The following SLC22A9 variants were observed in gnomAD, a reference collection of about 807,000 sequenced individuals.
SLC22A9 encodes the protein organic anion transporter 7.
A neutral mutation model predicts 50.1 loss-of-function variants in SLC22A9; 64 were observed. The observed-to-expected ratio is 1.28, with a 90% CI of 1.04 to 1.57. SLC22A9 has a LOEUF of 1.57. SLC22A9 is among the 40% of genes most tolerant of loss of function. The pLI is 0.00. For missense variants in SLC22A9, 757 were observed against 676.1 expected (o/e 1.12, Z -1.33); for synonymous variants, 261 against 242.5 (o/e 1.08, Z -0.71).
chr11:63,400,351 A>G (rs957080755), intron 6 of SLC22A9, among the ~76,000 whole-genome samples: 4 of 152,132 alleles, frequency 2.6e-5, no homozygotes, highest in Non-Finnish European at 5.9e-5. Flanking sequence ...CAGAAATCCA[A>G]TGGATCATTA....
At chr11:63,406,281 T>C (rs1347462597) in intron 6 of SLC22A9, among the ~76,000 whole-genome samples, 1 of 152,178 alleles carries the variant, frequency 6.6e-6, no homozygotes, top group East Asian at 1.9e-4. Flanking sequence ...TCCAGCCTCT[T>C]CTCTAGTATT....
chr11:63,382,317 G>A, intron 6 of SLC22A9, 40 bp downstream of exon 6: 2 of 1,425,478 alleles, frequency 1.4e-6, no homozygotes, highest in Non-Finnish European at 1.9e-6. Context: ...TTACAGTACT[G>A]GAGACATGAA....
At chr11:63,381,455 T>C (rs946715856) in intron 5 of SLC22A9, among the ~76,000 whole-genome samples, 11 of 152,064 alleles carry the variant, frequency 7.2e-5, no homozygotes, top group Non-Finnish European at 1.3e-4. Context: ...ACCTGGTAAA[T>C]ATAGGGTGCA....
At position 63,387,186 on chromosome 11, in the gene SLC22A9, G is replaced by A. The variant is rs116143514; in HGVS notation, c.1073+4909G>A. 2.4e-3 allele frequency among the ~76,000 whole-genome samples: 358 copies of A among 151,964 alleles called. 2 individuals carry two copies. Among genetic ancestry groups the A allele is most frequent in the African/African-American group, 7.8e-3 (323 of 41,490 alleles). ...TCACTTTTGCTTTGGTTGCCTGTGCGTCTGGGGTATTACTAAAGAAATCCT... is the reference window on the plus strand; with the variant it reads ...TCACTTTTGCTTTGGTTGCCTGTGCATCTGGGGTATTACTAAAGAAATCCT... On this transcript the variant is annotated intron_variant, in intron 6 of 9. Coordinates refer to ENST00000279178, the MANE Select transcript of SLC22A9 (RefSeq NM_080866.3).
At position 63,408,756 on chromosome 11, in the gene SLC22A9, A is replaced by G; in HGVS notation, c.1478A>G (p.Tyr493Cys). The G allele has an allele frequency of 1.2e-6, 2 of 1,613,924 alleles. No individual in the cohort carries two copies. The highest frequency in any genetic ancestry group is 1.7e-6 in the Non-Finnish European group (2 of 1,179,900). Residue 493 changes from tyrosine to cysteine, a missense_variant, in exon 9 of 10, where the codon TAT (tyrosine) becomes TGT (cysteine). By Grantham distance (194) the Tyr-to-Cys change is radical. Coordinates refer to ENST00000279178, the MANE Select transcript of SLC22A9 (RefSeq NM_080866.3). ...LAPLMMILSV[Y>C]SPPLPWIIYG... is the part of the protein sequence containing the mutation. The stretch of plus-strand genomic sequence containing the variant: ...CCCCTCATGATGATCCTAAGTGTGT[A>G]TTCTCCACCCCTGCCCTGGATCATC...
intron 6 of SLC22A9, among the ~76,000 whole-genome samples, chr11:63,404,713 A>C (rs2015007493): frequency 6.6e-6 from 1 of 152,252 alleles, no homozygotes; most frequent in African/African-American, 2.4e-5. Context: ...ACCCTTGACC[A>C]GGGGAACCTT....
chr11:63,400,379 C>A (rs532323880), intron 6 of SLC22A9, among the ~76,000 whole-genome samples: 1 of 152,150 alleles, frequency 6.6e-6, no homozygotes, highest in African/African-American at 2.4e-5. Flanking sequence ...TTATGAGCAA[C>A]TTTATGCCAA....
chr11:63,397,485 C>G (rs1313302200), intron 6 of SLC22A9, among the ~76,000 whole-genome samples: 1 of 152,150 alleles, frequency 6.6e-6, no homozygotes, highest in East Asian at 1.9e-4. Flanking sequence ...TCCCTACAAC[C>G]ACAGATGGGT....
At chr11:63,371,875 G>T (rs999452053) in intron 2 of SLC22A9, among the ~76,000 whole-genome samples, 12 of 152,244 alleles carry the variant, frequency 7.9e-5, no homozygotes, top group South Asian at 2.1e-4. Flanking sequence ...ACATGGCAGG[G>T]AACAATTACC....
chr11:63,403,242 A>G (rs1262247223), intron 6 of SLC22A9, among the ~76,000 whole-genome samples: 1 of 152,130 alleles, frequency 6.6e-6, no homozygotes, highest in Non-Finnish European at 1.5e-5. Context: ...GTTACATACT[A>G]AGAGAATGTC....
intron 4 of SLC22A9, 70 bp downstream of exon 4, chr11:63,374,132 T>C: frequency 7.0e-7 from 1 of 1,423,438 alleles, no homozygotes; most frequent in East Asian, 2.4e-5. Context: ...CTAGGACACC[T>C]GAATTTCTTT....
At chr11:63,375,998 C>T (rs1011269944) in intron 5 of SLC22A9, among the ~76,000 whole-genome samples, 6 of 152,068 alleles carry the variant, frequency 3.9e-5, no homozygotes, top group Non-Finnish European at 8.8e-5. Context: ...TCAATGGAGG[C>T]AGAGGCACAA....
intron 6 of SLC22A9, among the ~76,000 whole-genome samples, chr11:63,404,675 A>T (rs919712759): frequency 6.6e-6 from 1 of 152,156 alleles, no homozygotes; most frequent in Admixed American, 6.6e-5. Flanking sequence ...CTTTTCCTTC[A>T]GTGGATGGCC....
intron 1 of SLC22A9, among the ~76,000 whole-genome samples, 162 bp downstream of exon 1, chr11:63,370,620 T>C (rs1320548092): frequency 6.6e-6 from 1 of 152,194 alleles, no homozygotes; most frequent in Non-Finnish European, 1.5e-5. Flanking sequence ...ACCTACACAT[T>C]TTGAGTAATG....
intron 6 of SLC22A9, among the ~76,000 whole-genome samples, chr11:63,406,168 C>G (rs1312789142): frequency 6.6e-6 from 1 of 152,116 alleles, no homozygotes; most frequent in African/African-American, 2.4e-5. Context: ...TCATTTTTAT[C>G]AAATAGAAGC....
At chr11:63,378,557 A>T (rs576954332) in intron 5 of SLC22A9, among the ~76,000 whole-genome samples, 1 of 152,196 alleles carries the variant, frequency 6.6e-6, no homozygotes, top group African/African-American at 2.4e-5. Context: ...AGGCCACAAA[A>T]TAGGAAGAGA....
chr11:63,406,687 C>G lies in SLC22A9; in HGVS notation c.1264C>G (p.Leu422Val). 1 of 1,613,600 alleles carries G rather than the reference C, an allele frequency of 6.2e-7. No individual in the cohort carries two copies. The highest frequency in any genetic ancestry group is 1.3e-5 in the African/African-American group (1 of 75,022). The change falls in exon 7 of 10, where the codon CTG becomes GTG. Residue 422 changes from leucine to valine, a missense_variant. Leu to Val is a conservative substitution (Grantham distance 32, BLOSUM62 1). Coordinates refer to ENST00000279178, the MANE Select transcript of SLC22A9 (RefSeq NM_080866.3). The stretch of plus-strand genomic sequence containing the variant: ...CATGTTCCTACTGGCAATCTGCCTT[C>G]TGGCCATCATATTTGTGCCACAAGG... Reference protein sequence around the residue: ...LLMFLLAICLLAIIFVPQEMQ... With the variant: ...LLMFLLAICLVAIIFVPQEMQ...
intron 9 of SLC22A9, 88 bp from the exon 10 acceptor site, chr11:63,409,714 C>T: frequency 1.5e-6 from 2 of 1,323,138 alleles, no homozygotes; most frequent in Middle Eastern, 1.8e-4. Flanking sequence ...AAAGAATCAA[C>T]ATTCCTTAAA....
At chr11:63,385,073 C>A (rs2014637673) in intron 6 of SLC22A9, among the ~76,000 whole-genome samples, 1 of 138,520 alleles carries the variant, frequency 7.2e-6, no homozygotes, top group Admixed American at 7.2e-5. Context: ...ATTTTTCCCA[C>A]TCTGTAGCTT....
Sources: allele counts gnomAD v4.1 joint callset (sites outside exome capture counted in the v4.1 genomes callset), GRCh38; gene constraint gnomAD v4.1.1; transcripts MANE v1.5; gene names NCBI Gene and HGNC (gene_info 2026-07-23, HGNC 2026-07-21).